The following DNER variants were observed in gnomAD, a reference collection of about 807,000 sequenced individuals.
The protein encoded by DNER is delta and Notch-like epidermal growth factor-related receptor.
Under a neutral mutation model 78.2 loss-of-function variants are expected in DNER, and 33 were observed. The ratio of observed to expected loss-of-function variants is 0.42; its 90% confidence interval spans 0.32 to 0.56. The LOEUF (loss-of-function observed/expected upper bound fraction) is 0.56. Among genes scored for constraint, DNER ranks in the 20% least tolerant of loss-of-function variants. The pLI, the probability that DNER is intolerant of heterozygous loss-of-function variation, is 0.11. For synonymous variants in DNER, 417 were observed against 384.8 expected (o/e 1.08, Z -0.98); for missense variants, 918 against 975.3 (o/e 0.94, Z 0.78).
chr2:229,518,962 T>A (rs1296274743), intron 5 of DNER, among the ~76,000 whole-genome samples: 4 of 151,728 alleles, frequency 2.6e-5, no homozygotes, highest in Admixed American at 2.0e-4. Context: ...TCTTTTTTTT[T>A]TTTTTATTTT....
At chr2:229,525,638 G>A (rs1005899440) in intron 5 of DNER, among the ~76,000 whole-genome samples, 3 of 152,120 alleles carry the variant, frequency 2.0e-5, no homozygotes, top group African/African-American at 7.2e-5. Context: ...CTGAGACAAA[G>A]TTTTGCTCTT....
intron 1 of DNER, among the ~76,000 whole-genome samples, chr2:229,695,695 TGC>T (rs1016766723): frequency 1.3e-5 from 2 of 152,132 alleles, no homozygotes; most frequent in Non-Finnish European, 2.9e-5. Flanking sequence ...TTCCCCAAAT[TGC>T]ATTGAAAAAC....
At chr2:229,547,735 A>G (rs1396951222) in intron 4 of DNER, among the ~76,000 whole-genome samples, 2 of 152,230 alleles carry the variant, frequency 1.3e-5, no homozygotes, top group Non-Finnish European at 1.5e-5. Flanking sequence ...ATCTAATAAA[A>G]TGGGACTAAT....
chr2:229,586,729 G>T, intron 3 of DNER: 1 of 985,338 alleles, frequency 1.0e-6, no homozygotes, highest in Non-Finnish European at 1.2e-6. Flanking sequence ...CCTTGGAAAT[G>T]TGTTCCTAGC....
intron 7 of DNER, among the ~76,000 whole-genome samples, chr2:229,452,006 A>G (rs1358268130): frequency 1.3e-5 from 2 of 152,216 alleles, no homozygotes; most frequent in Non-Finnish European, 2.9e-5. Context: ...CAATATTTCA[A>G]TAAGAAGAGA....
At chr2:229,443,945 C>T (rs1694286626) in intron 8 of DNER, among the ~76,000 whole-genome samples, 1 of 152,138 alleles carries the variant, frequency 6.6e-6, no homozygotes. Context: ...TCTGAAGAAA[C>T]ATCCCCTCTG....
rs1425593874 is a variant in DNER at position 229,554,941 on chromosome 2, A to AAAAGGAAGGG, written c.848-7850_848-7849insCCCTTCCTTT. 6.9e-3 allele frequency among the ~76,000 whole-genome samples: 178 copies of AAAAGGAAGGG among 25,620 alleles called. 3 individuals carry two copies. Among genetic ancestry groups the AAAAGGAAGGG allele is most frequent in the Middle Eastern group, 0.02 (1 of 50 alleles). 16.8% of individuals were successfully genotyped at this position (25,620 alleles called of 152,430 possible). Reference sequence around the variant, plus strand: ...AGAAGAGAAGAGAAGAGAAGAGAGAAAAGGGAAGGGAAGGGAAGGGAAGGG... The same window carrying AAAAGGAAGGG: ...AGAAGAGAAGAGAAGAGAAGAGAGAAAAAGGAAGGGAAGGGAAGGGAAGGGAAGGGAAGGG... On this transcript the variant is annotated intron_variant, in intron 4 of 12. Transcript: ENST00000341772.
chr2:229,507,326 A>G lies in DNER; in HGVS notation c.1147+5457T>C, dbSNP rs147185640. ...CTATTATTGTTACTGTTGTACATGTACATGTACATGACTATACTTCTATTA... is the reference window on the plus strand; with the variant it reads ...CTATTATTGTTACTGTTGTACATGTGCATGTACATGACTATACTTCTATTA... On this transcript the variant is annotated intron_variant, in intron 6 of 12. Transcript: ENST00000341772. 2.4e-3 allele frequency among the ~76,000 whole-genome samples: 362 copies of G among 151,736 alleles called. 1 individual carries two copies. Among genetic ancestry groups the G allele is most frequent in the African/African-American group, 8.4e-3 (345 of 41,050 alleles).
intron 12 of DNER, among the ~76,000 whole-genome samples, chr2:229,361,109 A>G (rs1488882247): frequency 6.6e-6 from 1 of 152,230 alleles, no homozygotes; most frequent in East Asian, 1.9e-4. Context: ...TAAAACACAC[A>G]GTACAATGAA....
At chr2:229,515,508 C>A (rs138700168) in intron 5 of DNER, among the ~76,000 whole-genome samples, 1 of 151,994 alleles carries the variant, frequency 6.6e-6, no homozygotes, top group Non-Finnish European at 1.5e-5. Flanking sequence ...TTCCATATTG[C>A]GGATAAATTT....
At chr2:229,623,429 T>C (rs1477760005) in intron 1 of DNER, among the ~76,000 whole-genome samples, 1 of 152,152 alleles carries the variant, frequency 6.6e-6, no homozygotes, top group East Asian at 1.9e-4. Flanking sequence ...TTTCCAAGTC[T>C]ACCATTGGTA....
chr2:229,425,441 G>A (rs547992473), intron 8 of DNER, among the ~76,000 whole-genome samples: 22 of 152,216 alleles, frequency 1.4e-4, no homozygotes, highest in African/African-American at 4.3e-4. Flanking sequence ...GCAAAGGCAC[G>A]GTGGAGCCCA....
At chr2:229,707,180 ATTTTTTTTTTT>A (rs397868353) in intron 1 of DNER, among the ~76,000 whole-genome samples, 9 of 94,610 alleles carry the variant, frequency 9.5e-5, no homozygotes, top group Admixed American at 1.4e-4. Flanking sequence ...CGGCTGGCTA[ATTTTTTTTTTT>A]TTTTTTTTTT....
Position 229,375,085 on chromosome 2 carries a change from T to C in DNER, c.1856-7966A>G, listed in dbSNP as rs1441309037. Among the ~76,000 whole-genome samples the C allele has an allele frequency of 2.0e-5, 3 of 152,230 alleles. No individual in the cohort carries two copies. The East Asian group carries it at 5.8e-4, about 29-fold the overall frequency. ...CAATAACAACTACCTATCTGTATAATGCCTGTGGTCCTATAATATTCTGTA... is the reference window on the plus strand; with the variant it reads ...CAATAACAACTACCTATCTGTATAACGCCTGTGGTCCTATAATATTCTGTA... On this transcript the variant is annotated intron_variant, in intron 11 of 12. Transcript: ENST00000341772.
At chr2:229,434,155 G>C (rs942671161) in intron 8 of DNER, among the ~76,000 whole-genome samples, 1 of 152,164 alleles carries the variant, frequency 6.6e-6, no homozygotes, top group Non-Finnish European at 1.5e-5. Context: ...TTGGTACACG[G>C]AGTCCACAAT....
At chr2:229,587,666 G>A (rs1301641441) in intron 3 of DNER, among the ~76,000 whole-genome samples, 1 of 152,156 alleles carries the variant, frequency 6.6e-6, no homozygotes, top group Admixed American at 6.5e-5. Context: ...GGAAAGTGTG[G>A]GGAGGGTGGT....
At chr2:229,621,339 A>G (rs1025854322) in intron 1 of DNER, among the ~76,000 whole-genome samples, 1 of 152,186 alleles carries the variant, frequency 6.6e-6, no homozygotes, top group Non-Finnish European at 1.5e-5. Context: ...CCTGCTGAGA[A>G]AAGTCCACTG....
chr2:229,662,098 T>A (rs1699019004), intron 1 of DNER, among the ~76,000 whole-genome samples: 1 of 152,216 alleles, frequency 6.6e-6, no homozygotes, highest in Admixed American at 6.5e-5. Context: ...CATATTTGTG[T>A]CAATTTTGCA....
intron 8 of DNER, among the ~76,000 whole-genome samples, chr2:229,432,044 C>A (rs1694017218): frequency 6.6e-6 from 1 of 151,916 alleles, no homozygotes; most frequent in Admixed American, 6.6e-5. Flanking sequence ...ATTTTTAATG[C>A]AAATGTTTGT....
Sources: gnomAD v4.1 joint callset for allele counts (sites outside exome capture counted in the v4.1 genomes callset) on GRCh38, gnomAD v4.1.1 for gene constraint, MANE v1.5 for transcripts, NCBI Gene and HGNC (gene_info 2026-07-23, HGNC 2026-07-21) for gene names.